NR3C2: variants seen among roughly 807,000 people sequenced by gnomAD.
The protein encoded by NR3C2 is nuclear receptor subfamily 3 group C member 2.
A neutral mutation model predicts 86.4 loss-of-function variants in NR3C2; 15 were observed. That is an observed-to-expected ratio of 0.17 (90% CI 0.12 to 0.27). The LOEUF is 0.27. NR3C2 is among the 10% of genes least tolerant of loss of function. The pLI, the probability that NR3C2 is intolerant of heterozygous loss-of-function variation, is 1.00. For missense variants in NR3C2, 960 were observed against 1,195.6 expected (o/e 0.80, Z 2.91); for synonymous variants, 458 against 450.5 (o/e 1.02, Z -0.21).
At chr4:148,269,156 A>G (rs1474605803) in intron 2 of NR3C2, among the ~76,000 whole-genome samples, 1 of 152,196 alleles carries the variant, frequency 6.6e-6, no homozygotes, top group African/African-American at 2.4e-5. Context: ...CAACATTTCC[A>G]GTTAGGCAGG....
intron 2 of NR3C2, among the ~76,000 whole-genome samples, chr4:148,280,822 T>C (rs777100039): frequency 2.0e-5 from 3 of 152,204 alleles, no homozygotes; most frequent in African/African-American, 4.8e-5. Context: ...CGTTTTAGAA[T>C]GCGTATACAC....
chr4:148,442,830 C>A (rs1750421561), upstream of NR3C2: 1 of 985,314 alleles, frequency 1.0e-6, no homozygotes, highest in Non-Finnish European at 1.2e-6. Context: ...AACTTGCTTA[C>A]GTCCACCCTG....
intron 3 of NR3C2, among the ~76,000 whole-genome samples, chr4:148,238,985 G>A (rs917355664): frequency 3.3e-5 from 5 of 152,256 alleles, no homozygotes; most frequent in African/African-American, 7.2e-5. Flanking sequence ...TCCAAGGGCC[G>A]GAGGTGGGGC....
rs111834728 is a variant in NR3C2 at position 148,382,273 on chromosome 4, T to C, written c.1757+52831A>G. On this transcript the variant is annotated intron_variant, in intron 2 of 8. Coordinates refer to ENST00000358102, the MANE Select transcript of NR3C2 (RefSeq NM_000901.5). Reference sequence around the variant, plus strand: ...TAGTTATTATTTATTCATTCACTCATTCAACATTTATTTCACCTCCTCCTC... The same window carrying C: ...TAGTTATTATTTATTCATTCACTCACTCAACATTTATTTCACCTCCTCCTC... Among the ~76,000 whole-genome samples the C allele has an allele frequency of 3.7e-3, 566 of 152,320 alleles. 4 individuals carry two copies. Among genetic ancestry groups the C allele is most frequent in the African/African-American group, 0.013 (546 of 41,572 alleles).
At chr4:148,243,064 T>G (rs1739142185) in intron 3 of NR3C2, among the ~76,000 whole-genome samples, 1 of 151,064 alleles carries the variant, frequency 6.6e-6, no homozygotes, top group Non-Finnish European at 1.5e-5. Context: ...AAAGTCTCAC[T>G]CTGTCACCCA....
At position 148,103,534 on chromosome 4, in the gene NR3C2, C is replaced by T. The variant is rs1282937644; in HGVS notation, c.2799+10570G>A. 3.3e-5 allele frequency among the ~76,000 whole-genome samples: 5 copies of T among 152,334 alleles called. No individual in the cohort carries two copies. The South Asian group carries it at 1.0e-3, about 32-fold the overall frequency. On this transcript the variant is annotated intron_variant, in intron 8 of 8. Coordinates refer to ENST00000358102, the MANE Select transcript of NR3C2 (RefSeq NM_000901.5). ...TTAGAAGGGTAACTGACAGAGATGG[C>T]TCGTTTCACAGAGTGAATAACAACT...
At chr4:148,248,097 T>C (rs969342498) in intron 3 of NR3C2, among the ~76,000 whole-genome samples, 1 of 152,348 alleles carries the variant, frequency 6.6e-6, no homozygotes, top group Middle Eastern at 3.4e-3. Context: ...ATGTGATATT[T>C]AATTTAAAAA....
At chr4:148,117,212 C>T (rs535651022) in intron 7 of NR3C2, among the ~76,000 whole-genome samples, 1 of 152,206 alleles carries the variant, frequency 6.6e-6, no homozygotes, top group Non-Finnish European at 1.5e-5. Flanking sequence ...TGCCCTGCCC[C>T]GGGCAATTGA....
intron 2 of NR3C2, among the ~76,000 whole-genome samples, chr4:148,351,049 G>C (rs923132123): frequency 6.6e-6 from 1 of 151,876 alleles, no homozygotes; most frequent in East Asian, 1.9e-4. Context: ...CCAGCCTCAA[G>C]TGTCTGTGTT....
intron 2 of NR3C2, among the ~76,000 whole-genome samples, chr4:148,298,998 T>C (rs1489627818): frequency 6.6e-6 from 1 of 152,228 alleles, no homozygotes; most frequent in African/African-American, 2.4e-5. Context: ...TCGCACCTTA[T>C]GCAAGGGGGA....
intron 2 of NR3C2, among the ~76,000 whole-genome samples, chr4:148,360,619 T>C (rs1189816967): frequency 6.6e-6 from 1 of 152,220 alleles, no homozygotes; most frequent in African/African-American, 2.4e-5. Context: ...ATCATCCCTA[T>C]TGGATTTAGG....
In NR3C2 at chr4:148,262,676, G is replaced by A. The variant is rs1017198437; in HGVS notation, c.1758-2559C>T. ...TGCAGATGTAATTAGTTAAGATGAG[G>A]TCATACTGGAATAGGGTGGACCCCA... On this transcript the variant is annotated intron_variant, in intron 2 of 8. Transcript: ENST00000358102. Among the ~76,000 whole-genome samples, 9 of 152,090 alleles carry A rather than the reference G, an allele frequency of 5.9e-5. No homozygotes were observed. In the East Asian group the frequency reaches 1.5e-3, roughly 26 times the overall value.
intron 2 of NR3C2, among the ~76,000 whole-genome samples, chr4:148,261,385 GTATGGTGCGCTATGGTCAGTGC>G (rs1174061456): frequency 4.1e-5 from 6 of 147,236 alleles, no homozygotes; most frequent in African/African-American, 1.3e-4. Context: ...TATGGTCAGT[GTATGGTGCGCTATGGTCAGTGC>G]TATGGTGCGC....
At chr4:148,265,284 T>C (rs1444653320) in intron 2 of NR3C2, among the ~76,000 whole-genome samples, 1 of 152,150 alleles carries the variant, frequency 6.6e-6, no homozygotes, top group Non-Finnish European at 1.5e-5. Context: ...CTGATTTTGG[T>C]GACAGTCAGG....
intron 2 of NR3C2, among the ~76,000 whole-genome samples, chr4:148,409,852 T>C (rs572261402): frequency 6.6e-6 from 1 of 152,208 alleles, no homozygotes; most frequent in Admixed American, 6.5e-5. Context: ...GATTTTTCCT[T>C]AGGAATGTAA....
intron 2 of NR3C2, among the ~76,000 whole-genome samples, chr4:148,354,981 AT>A (rs1745481514): frequency 6.6e-6 from 1 of 152,194 alleles, no homozygotes; most frequent in Admixed American, 6.5e-5. Flanking sequence ...TTTAAAAAAA[AT>A]AAATATAGCT....
rs1750058079 is a variant in NR3C2, at chr4:148,436,177, T to A, written c.684A>T (p.Pro228=). 6.2e-7 allele frequency: 1 copy of A among 1,614,164 alleles called. No homozygotes were observed. Residue 228 remains proline, a synonymous_variant, in exon 2 of 9, where the codon CCA becomes CCT. Transcript: ENST00000358102. ...ASFGSFPVHS[P]ITQGTPLTCS... ...ATGTCAGAGGAGTTCCCTGGGTGAT[T>A]GGGCTGTGCACTGGAAAACTGCCAA... is the stretch of plus-strand genomic sequence containing the variant.
At chr4:148,192,227 T>C (rs142089886) in intron 4 of NR3C2, among the ~76,000 whole-genome samples, 3,812 of 152,318 alleles carry the variant, frequency 0.025, 58 homozygotes, top group Middle Eastern at 0.054. Flanking sequence ...TGGTTTCCTG[T>C]GAGCCAAACT....
chr4:148,205,898 G>A (rs897919766), intron 3 of NR3C2, among the ~76,000 whole-genome samples: 3 of 152,270 alleles, frequency 2.0e-5, no homozygotes, highest in Admixed American at 6.5e-5. Context: ...GTTGTCAGAA[G>A]GCATCATATA....
Sources: gnomAD v4.1 joint callset for allele counts (sites outside exome capture counted in the v4.1 genomes callset) on GRCh38, gnomAD v4.1.1 for gene constraint, MANE v1.5 for transcripts, NCBI Gene and HGNC (gene_info 2026-07-23, HGNC 2026-07-21) for gene names.